Variants in ZNF560 observed in about 807,000 individuals in gnomAD.
The protein encoded by ZNF560 is zinc finger protein 560.
In ZNF560, 54 loss-of-function variants were observed where a neutral mutation model predicts 81.8. The observed-to-expected ratio is 0.66, with a 90% CI of 0.53 to 0.83. ZNF560 has a LOEUF of 0.83. Among genes scored for constraint, ZNF560 ranks in the 40% least tolerant of loss-of-function variants. The pLI is 0.00. For missense variants in ZNF560, 940 were observed against 932.4 expected (o/e 1.01, Z -0.11); for synonymous variants, 321 against 317.9 (o/e 1.01, Z -0.10).
chr19:9,475,956 T>G (rs1189251641), intron 2 of ZNF560, among the ~76,000 whole-genome samples: 3 of 152,128 alleles, frequency 2.0e-5, no homozygotes, highest in Non-Finnish European at 2.9e-5. Context: ...GTGCCCATGG[T>G]GATATAACTC....
chr19:9,497,926 C>T (rs577957248), intron 2 of ZNF560, among the ~76,000 whole-genome samples: 102 of 152,234 alleles, frequency 6.7e-4, no homozygotes, highest in African/African-American at 2.4e-3. Flanking sequence ...GAAAGACTCG[C>T]GGTCTACAAA....
At chr19:9,456,886 G>A in the ZNF560 span, among the ~76,000 whole-genome samples, 1 of 152,166 alleles carries the variant, frequency 6.6e-6, no homozygotes, top group East Asian at 1.9e-4. Context: ...AACATATGAT[G>A]CATGAAATGG....
intron 2 of ZNF560, among the ~76,000 whole-genome samples, chr19:9,478,785 A>C (rs1197796421): frequency 2.0e-5 from 3 of 152,190 alleles, no homozygotes; most frequent in African/African-American, 7.2e-5. Flanking sequence ...AAAGATAAAA[A>C]GTAAAGAATC....
At chr19:9,487,710 G>C (rs1478278931) in intron 2 of ZNF560, among the ~76,000 whole-genome samples, 1 of 152,180 alleles carries the variant, frequency 6.6e-6, no homozygotes, top group African/African-American at 2.4e-5. Flanking sequence ...TGGTGCATTT[G>C]AATGTTACTA....
chr19:9,479,895 G>T (rs1457168374), intron 2 of ZNF560, among the ~76,000 whole-genome samples: 1 of 151,768 alleles, frequency 6.6e-6, no homozygotes, highest in Admixed American at 6.6e-5. Context: ...TAGGAAGGGG[G>T]GTTATCCTGA....
chr19:9,449,974 CAAAAAAA>C, the ZNF560 span, among the ~76,000 whole-genome samples: 11 of 43,376 alleles, frequency 2.5e-4, no homozygotes, highest in Non-Finnish European at 3.4e-4. Context: ...AACTCTGTCT[CAAAAAAA>C]AAAAAAAAAA....
chr19:9,475,048 A>G (rs1031419267), intron 3 of ZNF560, among the ~76,000 whole-genome samples: 2 of 152,004 alleles, frequency 1.3e-5, no homozygotes, highest in African/African-American at 4.8e-5. Context: ...TAAGAAATAT[A>G]TATCTGGCAC....
intron 9 of ZNF560, among the ~76,000 whole-genome samples, chr19:9,468,682 G>A (rs1447162688): frequency 6.6e-6 from 1 of 151,074 alleles, no homozygotes; most frequent in Non-Finnish European, 1.5e-5. Flanking sequence ...GGTGAATTGG[G>A]TGAATGCCAC....
At chr19:9,483,525 G>A (rs2073331653) in intron 2 of ZNF560, among the ~76,000 whole-genome samples, 1 of 149,236 alleles carries the variant, frequency 6.7e-6, no homozygotes, top group South Asian at 2.1e-4. Flanking sequence ...GCCCCGTCCG[G>A]GAGGGGGGTG....
At chr19:9,471,028 T>C (rs558273369) in intron 6 of ZNF560, among the ~76,000 whole-genome samples, 19 of 152,304 alleles carry the variant, frequency 1.2e-4, no homozygotes, top group African/African-American at 4.1e-4. Context: ...CTAGGGTCTA[T>C]ATTTGCTTTA....
At position 9,467,035 on chromosome 19, in the gene ZNF560, C is replaced by T. The variant is rs1486942700; in HGVS notation, c.1912G>A (p.Val638Ile). The change falls in exon 10 of 10, where the codon GTT becomes ATT. Residue 638 changes from valine (V) to isoleucine (I), a missense_variant. Physicochemically the swap from Val to Ile is conservative, Grantham distance 29 (BLOSUM62 3). Coordinates refer to ENST00000301480, the MANE Select transcript of ZNF560 (RefSeq NM_152476.3). The stretch of plus-strand genomic sequence containing the variant: ...TGATCAACTAGACTGGAGGAGACAA[C>T]AAAGGCTTTCCCACAGTCCTTATAT... ...YEYKDCGKAF[V>I]VSSSLVDHLR... 2 of 1,613,234 alleles carry T rather than the reference C, an allele frequency of 1.2e-6. No homozygotes were observed. The highest frequency in any genetic ancestry group is 1.7e-6 in the Non-Finnish European group (2 of 1,179,790).
chr19:9,503,566 G>C (rs1226524367), upstream of ZNF560, among the ~76,000 whole-genome samples: 3 of 152,140 alleles, frequency 2.0e-5, no homozygotes, highest in Non-Finnish European at 4.4e-5. Flanking sequence ...AAAGGATCTT[G>C]CTCTCTTGGG....
upstream of ZNF560, chr19:9,498,741 G>C (rs2073602953): frequency 6.6e-6 from 1 of 152,434 alleles, no homozygotes; most frequent in African/African-American, 2.4e-5. Flanking sequence ...GAGGTATCAA[G>C]GGGTCGGCTC....
chr19:9,489,949 AT>A (rs1364302144), intron 2 of ZNF560, among the ~76,000 whole-genome samples: 1 of 152,188 alleles, frequency 6.6e-6, no homozygotes, highest in Non-Finnish European at 1.5e-5. Flanking sequence ...CTTACTAGAC[AT>A]TTTGAATTTT....
chr19:9,481,676 C>T (rs913000572), intron 2 of ZNF560, among the ~76,000 whole-genome samples: 8 of 152,310 alleles, frequency 5.3e-5, no homozygotes, highest in Middle Eastern at 3.4e-3. Context: ...TGAAAAAATG[C>T]TCATCATCAC....
In ZNF560 at chr19:9,466,491, T is replaced by A. The variant is rs748660672; in HGVS notation, c.*83A>T. On this transcript the variant is annotated 3_prime_UTR_variant, in exon 10 of 10. Transcript: ENST00000301480. ...TCCTTACATTGATAGTGTTACTTTC[T>A]CCTGTGAATTTTTACATGTTCAGTT... 20 of 1,295,468 alleles carry A rather than the reference T, an allele frequency of 1.5e-5. No homozygotes were observed. Among genetic ancestry groups the A allele is most frequent in the Non-Finnish European group, 2.1e-5 (20 of 934,436 alleles). 80.2% of individuals were successfully genotyped at this position (1,295,468 alleles called of 1,614,324 possible).
chr19:9,497,448 T>A (rs1006692027), intron 2 of ZNF560, among the ~76,000 whole-genome samples: 3 of 145,404 alleles, frequency 2.1e-5, no homozygotes, highest in Non-Finnish European at 3.0e-5. Flanking sequence ...GGCAGGAGAA[T>A]CGCTTGAACC....
chr19:9,502,965 CTTTAT>C (rs1366607722), upstream of ZNF560, among the ~76,000 whole-genome samples: 3 of 152,046 alleles, frequency 2.0e-5, no homozygotes, highest in African/African-American at 7.2e-5. Flanking sequence ...TATTTCCCTT[CTTTAT>C]TATTTCCTTT....
chr19:9,459,285 T>C, the ZNF560 span, among the ~76,000 whole-genome samples: 3 of 152,216 alleles, frequency 2.0e-5, no homozygotes, highest in African/African-American at 7.2e-5. Flanking sequence ...TAAAGGCCGA[T>C]TGTTATCAGC....
Sources: gnomAD v4.1 joint callset for allele counts (sites outside exome capture counted in the v4.1 genomes callset) on GRCh38, gnomAD v4.1.1 for gene constraint, MANE v1.5 for transcripts, NCBI Gene and HGNC (gene_info 2026-07-23, HGNC 2026-07-21) for gene names.